Variants in PIK3R6 observed in about 807,000 individuals in gnomAD.
The protein encoded by PIK3R6 is phosphoinositide-3-kinase regulatory subunit 6.
PIK3R6 carries 91 observed loss-of-function variants against 84.9 expected under a neutral mutation model. That is an observed-to-expected ratio of 1.07 (90% CI 0.90 to 1.28). PIK3R6 has a LOEUF of 1.28. PIK3R6 is among the 50% of genes most tolerant of loss of function. The probability of loss-of-function intolerance (pLI) is 0.00; values close to 1 mark genes in which losing one functional copy is unlikely to be tolerated. For synonymous variants in PIK3R6, 416 were observed against 411.4 expected, an observed-to-expected ratio of 1.01 and a Z score of -0.13; for missense variants, 996 against 985.1, an observed-to-expected ratio of 1.01 and a Z score of -0.15.
chr17:8,826,300 T>G (rs1371399705), intron 13 of PIK3R6, among the ~76,000 whole-genome samples: 1 of 152,184 alleles, frequency 6.6e-6, no homozygotes, highest in African/African-American at 2.4e-5. Flanking sequence ...GAAAAATGAT[T>G]CATTCCACTA....
At chr17:8,829,064 C>T in intron 10 of PIK3R6, 74 bp from the exon 11 acceptor site, 2 of 1,357,548 alleles carry the variant, frequency 1.5e-6, no homozygotes, top group Non-Finnish European at 2.0e-6. Context: ...AGCCAGTCCT[C>T]TTCAGAGGAT....
intron 1 of PIK3R6, 72 bp from the exon 2 acceptor site, chr17:8,849,957 G>A: frequency 1.2e-6 from 1 of 861,922 alleles, no homozygotes; most frequent in Non-Finnish European, 1.7e-6. Context: ...AAATGGAGAA[G>A]CTCCTAAGGG....
intron 14 of PIK3R6, 142 bp downstream of exon 14, chr17:8,823,245 G>C (rs2087801270): frequency 1.2e-6 from 1 of 802,882 alleles, no homozygotes; most frequent in Admixed American, 2.5e-5. Context: ...GATTCATTTA[G>C]AGATGAAGAA....
chr17:8,817,705 G>T (rs2087587644), intron 18 of PIK3R6, among the ~76,000 whole-genome samples: 1 of 152,076 alleles, frequency 6.6e-6, no homozygotes, highest in Admixed American at 6.6e-5. Flanking sequence ...AAATATAAGG[G>T]CTAAATAGTG....
At chr17:8,858,880 A>G (rs1298839271) in intron 1 of PIK3R6, among the ~76,000 whole-genome samples, 1 of 152,148 alleles carries the variant, frequency 6.6e-6, no homozygotes, top group African/African-American at 2.4e-5. Flanking sequence ...TTTGCAATTC[A>G]TCCATCCAAA....
intron 1 of PIK3R6, among the ~76,000 whole-genome samples, chr17:8,859,025 G>A (rs560647052): frequency 0.45 from 270 of 598 alleles, 4 homozygotes; most frequent in East Asian, 0.53. Flanking sequence ...TGAAGGCTGG[G>A]AAGCCGGAAT....
intron 1 of PIK3R6, among the ~76,000 whole-genome samples, chr17:8,853,961 GA>G (rs58019683): frequency 0.076 from 9,146 of 120,268 alleles, 883 homozygotes; most frequent in African/African-American, 0.26. Flanking sequence ...GACTCCGTCT[GA>G]AAAAAAAAAA....
chr17:8,805,635 G>A (rs944855046), intron 18 of PIK3R6, among the ~76,000 whole-genome samples: 1 of 152,072 alleles, frequency 6.6e-6, no homozygotes, highest in South Asian at 2.1e-4. Flanking sequence ...TGGCACCTTG[G>A]CCGGGCGCGG....
intron 1 of PIK3R6, among the ~76,000 whole-genome samples, chr17:8,850,602 A>G (rs1421765283): frequency 6.6e-6 from 1 of 152,196 alleles, no homozygotes; most frequent in Non-Finnish European, 1.5e-5. Context: ...CTGTGACCCC[A>G]GTGGGAGGTC....
At chr17:8,815,038 C>A (rs1191744183) in intron 18 of PIK3R6, among the ~76,000 whole-genome samples, 1 of 152,120 alleles carries the variant, frequency 6.6e-6, no homozygotes, top group African/African-American at 2.4e-5. Flanking sequence ...CAGACAGAAT[C>A]GACAAAATCA....
chr17:8,829,296 A>AC (rs2088094504), intron 10 of PIK3R6, among the ~76,000 whole-genome samples: 1 of 116,770 alleles, frequency 8.6e-6, no homozygotes, highest in Non-Finnish European at 1.8e-5. Context: ...CATCATGCAT[A>AC]CACACACACT....
chr17:8,808,802 G>A (rs1409934023), intron 18 of PIK3R6, among the ~76,000 whole-genome samples: 1 of 152,176 alleles, frequency 6.6e-6, no homozygotes, highest in Non-Finnish European at 1.5e-5. Flanking sequence ...TAAGGATCTA[G>A]GAAAAGGAGT....
Position 8,835,258 on chromosome 17 carries a change from A to C in PIK3R6, c.645+15T>G, listed in dbSNP as rs1005898. The C allele has an allele frequency of 2.6e-6, 4 of 1,510,028 alleles. No homozygotes were observed. Among genetic ancestry groups the C allele is most frequent in the East Asian group, 4.7e-5 (2 of 42,882 alleles). 93.5% of individuals were successfully genotyped at this position (1,510,028 alleles called of 1,614,324 possible). A position where few individuals can be genotyped will look rare whatever the true frequency, so the allele number is the denominator to read the frequency against. ...AGGGCTGGGACTGACAAGGGGCTGCAGGCAGGGCCATTACCTGCAGCTTCC... is the reference window on the plus strand; with the variant it reads ...AGGGCTGGGACTGACAAGGGGCTGCCGGCAGGGCCATTACCTGCAGCTTCC... On this transcript the variant is annotated intron_variant, in intron 8 of 19. Coordinates refer to ENST00000619866, the MANE Select transcript of PIK3R6 (RefSeq NM_001010855.4).
At chr17:8,857,881 C>G (rs982325426) in intron 1 of PIK3R6, among the ~76,000 whole-genome samples, 4 of 115,694 alleles carry the variant, frequency 3.5e-5, no homozygotes, top group Non-Finnish European at 5.2e-5. Context: ...GCCTGGGCAA[C>G]AAGAGTGAAA....
chr17:8,821,861 CTGGAA>C lies in PIK3R6; in HGVS notation c.1859_1863del (p.Ile620SerfsTer10). ...CATTCCTCACCTTCTGTGTCGCTGGCTGGAATGGCCTTCAGGATCAGCCCAGTGGC... is the reference window on the plus strand; with the variant it reads ...CATTCCTCACCTTCTGTGTCGCTGGCTGGCCTTCAGGATCAGCCCAGTGGC... On this transcript the variant is annotated frameshift_variant, in exon 17 of 20. Coordinates refer to ENST00000619866, the MANE Select transcript of PIK3R6 (RefSeq NM_001010855.4). LOFTEE classifies it high-confidence loss of function. 1 of 1,596,072 alleles carries C rather than the reference CTGGAA, an allele frequency of 6.3e-7. No homozygotes were observed. Among genetic ancestry groups the C allele is most frequent in the Non-Finnish European group, 8.5e-7 (1 of 1,171,112 alleles).
rs191969226 is a variant in PIK3R6, at chr17:8,836,416, T to C, written c.461+131A>G. ...AACGCACCCCACTGCTGGACAAATATCATGGCTGGGGAGGTCTGCTAGGGC... is the reference window on the plus strand; with the variant it reads ...AACGCACCCCACTGCTGGACAAATACCATGGCTGGGGAGGTCTGCTAGGGC... On this transcript the variant is annotated intron_variant, in intron 7 of 19. Coordinates refer to ENST00000619866, the MANE Select transcript of PIK3R6 (RefSeq NM_001010855.4). The C allele has an allele frequency of 5.3e-5, 50 of 943,820 alleles. No homozygotes were observed. The African/African-American group carries it at 8.0e-4, about 15-fold the overall frequency. The allele number at this position is 943,820 out of a possible 1,614,324, so 58.5% of individuals were successfully genotyped here. A position where few individuals can be genotyped will look rare whatever the true frequency, so the allele number is the denominator to read the frequency against.
intron 17 of PIK3R6, among the ~76,000 whole-genome samples, chr17:8,821,508 T>C (rs898774621): frequency 7.2e-5 from 11 of 151,912 alleles, no homozygotes; most frequent in Admixed American, 6.6e-4. Flanking sequence ...ATTGTCTCCA[T>C]TTTTTTTGGA....
At chr17:8,836,653 GTC>G in intron 6 of PIK3R6, 37 bp from the exon 7 acceptor site, 1 of 1,613,758 alleles carries the variant, frequency 6.2e-7, no homozygotes, top group Non-Finnish European at 8.5e-7. Context: ...CAGCCCCCAA[GTC>G]TCTGACTCCC....
At position 8,832,781 on chromosome 17, in the gene PIK3R6, G is replaced by C. The variant is rs898369482; in HGVS notation, c.802+108C>G. On this transcript the variant is annotated intron_variant, in intron 9 of 19. Coordinates refer to ENST00000619866, the MANE Select transcript of PIK3R6 (RefSeq NM_001010855.4). ...TCCCCAGGCTCCTGGGAGTCGGCCA[G>C]GCACCCAGACAGAGGCAGGTCCAGC... 2.6e-5 allele frequency: 40 copies of C among 1,537,364 alleles called. 1 individual carries two copies. Among genetic ancestry groups the C allele is most frequent in the Middle Eastern group, 1.7e-4 (1 of 5,722 alleles).
Sources: allele counts gnomAD v4.1 joint callset (sites outside exome capture counted in the v4.1 genomes callset), GRCh38; gene constraint gnomAD v4.1.1; transcripts MANE v1.5; gene names NCBI Gene and HGNC (gene_info 2026-07-23, HGNC 2026-07-21).